YJU2: variants seen among roughly 807,000 people sequenced by gnomAD.
YJU2 encodes splicing factor YJU2.
In YJU2, 28 loss-of-function variants were observed where a neutral mutation model predicts 39.6. The ratio of observed to expected loss-of-function variants is 0.71; its 90% CI spans 0.52 to 0.97. YJU2 has a LOEUF of 0.97. Among genes scored for constraint, YJU2 ranks in the 50% least tolerant of loss-of-function variants. The pLI is 0.00. For missense variants in YJU2, 328 were observed against 430.4 expected, an observed-to-expected ratio of 0.76 and a Z score of 2.11; for synonymous variants, 184 against 182.4, an observed-to-expected ratio of 1.01 and a Z score of -0.07.
Position 4,254,498 on chromosome 19 carries a change from G to T in YJU2, c.405+9G>T. ...TGAACAACCCCATGAAGGTGAGTCG[G>T]GGGCCATGTAGGTGTTCATGGGCGC... On this transcript the variant is annotated intron_variant, in intron 4 of 7. Coordinates refer to ENST00000262962, the MANE Select transcript of YJU2 (RefSeq NM_018074.6). 6.3e-7 allele frequency: 1 copy of T among 1,578,014 alleles called. No homozygotes were observed. The highest frequency in any genetic ancestry group is 8.6e-7 in the Non-Finnish European group (1 of 1,160,368).
In YJU2 at chr19:4,260,572, A is replaced by G. The variant is rs147516561; in HGVS notation, c.588-1422A>G. Among the ~76,000 whole-genome samples, 310 of 152,302 alleles carry G rather than the reference A, an allele frequency of 2.0e-3. 2 individuals are homozygous for G. Among genetic ancestry groups the G allele is most frequent in the African/African-American group, 7.1e-3 (297 of 41,586 alleles). ...GCCAAGATGGTGAAACCCCGTCTCTACTAAAACTACAGAAATTAGCTGGAC... is the reference window on the plus strand; with the variant it reads ...GCCAAGATGGTGAAACCCCGTCTCTGCTAAAACTACAGAAATTAGCTGGAC... On this transcript the variant is annotated intron_variant, in intron 5 of 7. Transcript: ENST00000262962.
Position 4,254,474 on chromosome 19 carries a change from G to A in YJU2, c.390G>A (p.Leu130=), listed in dbSNP as rs1410256472. 6.2e-7 allele frequency: 1 copy of A among 1,603,192 alleles called. No individual in the cohort carries two copies. Among genetic ancestry groups the A allele is most frequent in the Admixed American group, 1.7e-5 (1 of 57,930 alleles). ...RVQKEREDEE[L]NNPMKVLENR... ...AGAAGGAGCGGGAGGACGAGGAGCT[G>A]AACAACCCCATGAAGGTGAGTCGGG... The change falls in exon 4 of 8, where the codon CTG becomes CTA. Residue 130 remains leucine (L), a synonymous_variant. Transcript: ENST00000262962.
intron 7 of YJU2, among the ~76,000 whole-genome samples, chr19:4,268,011 G>A (rs2144702410): frequency 6.6e-6 from 1 of 150,466 alleles, no homozygotes; most frequent in East Asian, 2.0e-4. Context: ...GGAGTGCAGT[G>A]GTGCCATCTC....
At chr19:4,266,218 G>A (rs544875834) in intron 6 of YJU2, among the ~76,000 whole-genome samples, 105 of 152,214 alleles carry the variant, frequency 6.9e-4, no homozygotes, top group African/African-American at 2.1e-3. Context: ...CCAAAGTGCC[G>A]GGATTAGAAG....
rs374690217 is a variant in YJU2, at chr19:4,258,193, C to T, written c.406-49C>T. 1.2e-4 allele frequency: 183 copies of T among 1,538,674 alleles called. No individual in the cohort carries two copies. The African/African-American group carries it at 2.1e-3, about 17-fold the overall frequency. On this transcript the variant is annotated intron_variant, in intron 4 of 7. Coordinates refer to ENST00000262962, the MANE Select transcript of YJU2 (RefSeq NM_018074.6). ...CCCCCGAGGCCAGACAGGGTTTGCCCCGTGGTGCGATCCCCATGCACTCAG... is the reference window on the plus strand; with the variant it reads ...CCCCCGAGGCCAGACAGGGTTTGCCTCGTGGTGCGATCCCCATGCACTCAG...
At chr19:4,267,907 T>C in intron 7 of YJU2, 133 bp downstream of exon 7, 1 of 701,346 alleles carries the variant, frequency 1.4e-6, no homozygotes, top group South Asian at 2.0e-5. Context: ...GACCAATTAG[T>C]GGAGTGAGCA....
intron 6 of YJU2, among the ~76,000 whole-genome samples, chr19:4,264,349 C>A (rs1291961283): frequency 6.6e-6 from 1 of 151,342 alleles, no homozygotes; most frequent in Non-Finnish European, 1.5e-5. Context: ...ACTCTGTTGC[C>A]CAGGCTGGAG....
chr19:4,255,511 C>T (rs888058503), intron 4 of YJU2, among the ~76,000 whole-genome samples: 2 of 151,806 alleles, frequency 1.3e-5, no homozygotes, highest in Non-Finnish European at 2.9e-5. Flanking sequence ...AGGTGGATCA[C>T]AAGGTCAGGA....
rs1178924179 is a variant in YJU2, at chr19:4,262,067, C to T, written c.661C>T (p.Pro221Ser). Residue 221 changes from proline to serine, a missense_variant, in exon 6 of 8, where the codon CCC becomes TCC. By Grantham distance (74) the Pro-to-Ser change is moderately conservative. Coordinates refer to ENST00000262962, the MANE Select transcript of YJU2 (RefSeq NM_018074.6). ...SDSEDEAAPS[P>S]LQPALRPNPT... ...CTCAGAGGATGAGGCTGCTCCCTCG[C>T]CCCTGCAGCCAGCCCTTCGGCCCAA... The T allele has an allele frequency of 1.2e-6, 2 of 1,612,398 alleles. No homozygotes were observed. The highest frequency in any genetic ancestry group is 1.7e-5 in the Admixed American group (1 of 60,012).
At chr19:4,249,684 T>C (rs1206239920) in intron 2 of YJU2, among the ~76,000 whole-genome samples, 1 of 150,846 alleles carries the variant, frequency 6.6e-6, no homozygotes, top group Non-Finnish European at 1.5e-5. Context: ...TGCTTGGAAC[T>C]CTCTCCCTCT....
chr19:4,261,876 C>A, intron 5 of YJU2, 118 bp from the exon 6 acceptor site: 2 of 980,076 alleles, frequency 2.0e-6, no homozygotes, highest in Non-Finnish European at 3.0e-6. Context: ...CCCACCCCTG[C>A]TCACTGAGGG....
intron 6 of YJU2, among the ~76,000 whole-genome samples, chr19:4,266,099 G>A (rs559061591): frequency 2.3e-4 from 35 of 152,070 alleles, no homozygotes; most frequent in Admixed American, 2.6e-4. Flanking sequence ...GATTACAGGC[G>A]TGTGCCACCA....
chr19:4,250,530 G>A lies in YJU2; in HGVS notation c.126-497G>A, dbSNP rs543226106. ...TGACATCAGGCAAAATACTGGTGGCGCTGAGGTCTGAGGATGAAGGGTGTC... is the reference window on the plus strand; with the variant it reads ...TGACATCAGGCAAAATACTGGTGGCACTGAGGTCTGAGGATGAAGGGTGTC... On this transcript the variant is annotated intron_variant, in intron 2 of 7. Coordinates refer to ENST00000262962, the MANE Select transcript of YJU2 (RefSeq NM_018074.6). Among the ~76,000 whole-genome samples the A allele has an allele frequency of 5.3e-5, 8 of 152,230 alleles. No individual in the cohort carries two copies. The South Asian group carries it at 1.5e-3, about 28-fold the overall frequency.
At chr19:4,264,340 C>T (rs1019166440) in intron 6 of YJU2, among the ~76,000 whole-genome samples, 1 of 148,126 alleles carries the variant, frequency 6.8e-6, no homozygotes, top group African/African-American at 2.5e-5. Context: ...CAGGGTCTTA[C>T]TCTGTTGCCC....
chr19:4,254,583 G>A, intron 4 of YJU2, 94 bp downstream of exon 4: 1 of 1,444,968 alleles, frequency 6.9e-7, no homozygotes, highest in South Asian at 1.5e-5. Flanking sequence ...AGGTCCCCAA[G>A]GAAGGAAGAT....
intron 2 of YJU2, among the ~76,000 whole-genome samples, 188 bp downstream of exon 2, chr19:4,249,516 G>C (rs907885195): frequency 2.6e-5 from 4 of 151,978 alleles, no homozygotes; most frequent in African/African-American, 9.7e-5. Flanking sequence ...ATCTTTTAGA[G>C]CCCTCCAGCC....
chr19:4,251,757 G>C (rs1276093290), intron 3 of YJU2, among the ~76,000 whole-genome samples: 1 of 151,382 alleles, frequency 6.6e-6, no homozygotes, highest in Non-Finnish European at 1.5e-5. Context: ...GCCAAGGCAG[G>C]AAAGAGAGCC....
At chr19:4,268,459 G>C in intron 7 of YJU2, 125 bp from the exon 8 acceptor site, 6 of 642,786 alleles carry the variant, frequency 9.3e-6, no homozygotes, top group Non-Finnish European at 1.7e-5. Context: ...CATCCAGAAA[G>C]GCCAGGCCAT....
rs1414575796 is a variant in YJU2 at position 4,269,008 on chromosome 19, T to C, written c.*312T>C. On this transcript the variant is annotated 3_prime_UTR_variant, in exon 8 of 8. Coordinates refer to ENST00000262962, the MANE Select transcript of YJU2 (RefSeq NM_018074.6). ...TTCAGGGTGGCAGTGTTTGGGGCAC[T>C]GGGCGAGCCTGCCGGCCTCTAGATG... 2.9e-6 allele frequency: 1 copy of C among 348,084 alleles called. No individual in the cohort carries two copies. The highest frequency in any genetic ancestry group is 5.4e-6 in the Non-Finnish European group (1 of 185,962). 21.6% of individuals were successfully genotyped at this position (348,084 alleles called of 1,614,324 possible). A position where few individuals can be genotyped will look rare whatever the true frequency, so the allele number is the denominator to read the frequency against.
Sources: allele counts gnomAD v4.1 joint callset (sites outside exome capture counted in the v4.1 genomes callset), GRCh38; gene constraint gnomAD v4.1.1; transcripts MANE v1.5; gene names NCBI Gene and HGNC (gene_info 2026-07-23, HGNC 2026-07-21).